Variants in EFCAB5 observed in about 807,000 individuals in gnomAD.
The protein encoded by EFCAB5 is EF-hand calcium binding domain 5.
EFCAB5 carries 131 observed loss-of-function variants against 167.9 expected under a neutral mutation model. The observed-to-expected ratio is 0.78, with a 90% CI of 0.68 to 0.90. The LOEUF (loss-of-function observed/expected upper bound fraction) is 0.90, where lower values mean the gene tolerates loss of function less well. Ranked by LOEUF, EFCAB5 falls within the 40% of genes least tolerant of loss-of-function variation. The probability of loss-of-function intolerance (pLI) is 0.00; values close to 1 mark genes in which losing one functional copy is unlikely to be tolerated. For missense variants in EFCAB5, 1,663 were observed against 1,745.2 expected (o/e 0.95, Z 0.84); for synonymous variants, 574 against 602.8 (o/e 0.95, Z 0.70).
At position 30,053,677 on chromosome 17, in the gene EFCAB5, G is replaced by A. The variant is rs374184207; in HGVS notation, c.1723G>A (p.Glu575Lys). ...AGAAACACACAGAGAGTCAACTACAGAACAAGGACAGCACAAAGGGTCAAT... is the reference window on the plus strand; with the variant it reads ...AGAAACACACAGAGAGTCAACTACAAAACAAGGACAGCACAAAGGGTCAAT... Reference protein sequence around the residue: ...EQETHRESTTEQGQHKGSIEG... With the variant: ...EQETHRESTTKQGQHKGSIEG... Residue 575 changes from glutamate to lysine, a missense_variant, in exon 10 of 23, where the codon GAA becomes AAA. By Grantham distance (56) the Glu-to-Lys change is moderately conservative (BLOSUM62 1). Coordinates refer to ENST00000394835, the MANE Select transcript of EFCAB5 (RefSeq NM_198529.4). The A allele has an allele frequency of 5.0e-6, 8 of 1,613,992 alleles. No individual in the cohort carries two copies. The South Asian group carries it at 8.8e-5, about 18-fold the overall frequency.
At chr17:29,938,986 T>C (rs537972082), upstream of EFCAB5, among the ~76,000 whole-genome samples, 4 of 152,320 alleles carry the variant, frequency 2.6e-5, no homozygotes, top group African/African-American at 9.6e-5. Flanking sequence ...AGGTTTTCAA[T>C]TTACTTTGCC....
At chr17:29,935,673 T>A (rs1251291509) in intron 1 of EFCAB5, among the ~76,000 whole-genome samples, 1 of 149,522 alleles carries the variant, frequency 6.7e-6, no homozygotes, top group African/African-American at 2.5e-5. Flanking sequence ...ATCTGAGGTA[T>A]CACAATGGTG....
chr17:29,933,674 C>A (rs2067221708), intron 1 of EFCAB5, among the ~76,000 whole-genome samples: 1 of 152,204 alleles, frequency 6.6e-6, no homozygotes. Context: ...ATCAATACTT[C>A]TTCCGGGGTG....
At chr17:30,031,338 A>G (rs954255021) in intron 7 of EFCAB5, among the ~76,000 whole-genome samples, 1 of 152,204 alleles carries the variant, frequency 6.6e-6, no homozygotes, top group Non-Finnish European at 1.5e-5. Flanking sequence ...CAGTTCTGAC[A>G]AGTTCTCAGA....
In EFCAB5 at chr17:30,053,703, A is replaced by C. The variant is rs1312905140; in HGVS notation, c.1749A>C (p.Ile583=). Residue 583 remains isoleucine (I), a synonymous_variant, in exon 10 of 23, where the codon ATA becomes ATC. Coordinates refer to ENST00000394835, the MANE Select transcript of EFCAB5 (RefSeq NM_198529.4). The part of the protein sequence containing the change: ...TTEQGQHKGS[I]EGQGPRRVSV... ...AACAAGGACAGCACAAAGGGTCAAT[A>C]GAAGGACAAGGACCACGCAGAGTGT... The C allele has an allele frequency of 3.8e-5, 61 of 1,613,892 alleles. No individual in the cohort carries two copies. Among genetic ancestry groups the C allele is most frequent in the Non-Finnish European group, 4.3e-5 (51 of 1,179,880 alleles).
intron 7 of EFCAB5, among the ~76,000 whole-genome samples, chr17:30,032,487 T>C (rs191863713): frequency 5.9e-5 from 9 of 152,334 alleles, no homozygotes; most frequent in Admixed American, 5.9e-4. Flanking sequence ...CTCTTTTTCT[T>C]CTGGAGAATA....
chr17:29,968,859 G>T lies in EFCAB5; in HGVS notation c.259G>T (p.Gly87Cys). 1 of 1,558,736 alleles carries T rather than the reference G, an allele frequency of 6.4e-7. No homozygotes were observed. Among genetic ancestry groups the T allele is most frequent in the Non-Finnish European group, 8.7e-7 (1 of 1,150,952 alleles). ...AAAGGACTCTAAAACTGAAGCCTCA[G>T]GTAATATTGCAATTAGAAAATCTGC... Reference protein sequence around the residue: ...SIKDSKTEASGNIAIRKSAKV... With the variant: ...SIKDSKTEASCNIAIRKSAKV... The change falls in exon 4 of 23, where the codon GGT becomes TGT. Residue 87 changes from glycine to cysteine, a missense_variant. Coordinates refer to ENST00000394835, the MANE Select transcript of EFCAB5 (RefSeq NM_198529.4).
chr17:30,051,850 A>G (rs1234345337), intron 9 of EFCAB5, among the ~76,000 whole-genome samples: 3 of 152,210 alleles, frequency 2.0e-5, no homozygotes, highest in South Asian at 2.1e-4. Flanking sequence ...TTAATGCCCA[A>G]CTTAAAATTA....
chr17:30,004,349 A>G (rs1597654274), intron 7 of EFCAB5, among the ~76,000 whole-genome samples: 1 of 152,350 alleles, frequency 6.6e-6, no homozygotes, highest in East Asian at 1.9e-4. Context: ...CCAGGTGGGC[A>G]TAAAGATCCA....
intron 4 of EFCAB5, among the ~76,000 whole-genome samples, chr17:29,974,610 A>G (rs77016411): frequency 6.6e-6 from 1 of 152,108 alleles, no homozygotes; most frequent in Admixed American, 6.6e-5. Flanking sequence ...AAAAAACTAG[A>G]AAAAAACAGG....
At chr17:30,073,227 T>C in intron 14 of EFCAB5, 1 of 672,272 alleles carries the variant, frequency 1.5e-6, no homozygotes. Flanking sequence ...GGCTAATTTT[T>C]CTAATTTTTG....
intron 19 of EFCAB5, among the ~76,000 whole-genome samples, chr17:30,089,881 G>A (rs2071161136): frequency 6.6e-6 from 1 of 152,182 alleles, no homozygotes; most frequent in African/African-American, 2.4e-5. Flanking sequence ...CTCCCCTTGG[G>A]ATCAGGCCGA....
chr17:30,047,483 A>G (rs575638166), intron 8 of EFCAB5, among the ~76,000 whole-genome samples: 16 of 152,302 alleles, frequency 1.1e-4, no homozygotes, highest in African/African-American at 3.8e-4. Flanking sequence ...GATATATGAC[A>G]TTTAACTACC....
chr17:29,983,810 A>C (rs2068225822), intron 4 of EFCAB5, among the ~76,000 whole-genome samples: 1 of 152,182 alleles, frequency 6.6e-6, no homozygotes, highest in Non-Finnish European at 1.5e-5. Flanking sequence ...AGTGGCCCAG[A>C]AGCACAAAAG....
At chr17:29,935,959 G>A (rs1316265848) in intron 1 of EFCAB5, among the ~76,000 whole-genome samples, 1 of 152,026 alleles carries the variant, frequency 6.6e-6, no homozygotes, top group African/African-American at 2.4e-5. Flanking sequence ...GAAAATTATA[G>A]AACTATAGAA....
At chr17:30,087,195 G>T in intron 19 of EFCAB5, 29 bp downstream of exon 19, 1 of 1,581,246 alleles carries the variant, frequency 6.3e-7, no homozygotes, top group Non-Finnish European at 8.7e-7. Context: ...TTGTTTGACT[G>T]CTAGAACACA....
At chr17:30,028,620 A>C (rs1597694197) in intron 7 of EFCAB5, among the ~76,000 whole-genome samples, 1 of 152,180 alleles carries the variant, frequency 6.6e-6, no homozygotes, top group African/African-American at 2.4e-5. Flanking sequence ...TAAATCAAGG[A>C]CCTGCCTGAT....
chr17:30,090,213 C>G (rs1286593476), intron 19 of EFCAB5, among the ~76,000 whole-genome samples: 1 of 152,050 alleles, frequency 6.6e-6, no homozygotes, highest in Non-Finnish European at 1.5e-5. Context: ...CCTTCTCTGC[C>G]GAGGGGATGT....
At chr17:30,000,709 G>A (rs183107011) in intron 7 of EFCAB5, among the ~76,000 whole-genome samples, 3 of 152,226 alleles carry the variant, frequency 2.0e-5, no homozygotes, top group Non-Finnish European at 2.9e-5. Flanking sequence ...CTCTGTATGA[G>A]GGATTTCTGG....
Sources: allele counts gnomAD v4.1 joint callset (sites outside exome capture counted in the v4.1 genomes callset), GRCh38; gene constraint gnomAD v4.1.1; transcripts MANE v1.5; gene names NCBI Gene and HGNC (gene_info 2026-07-23, HGNC 2026-07-21).